Variants in DNAH17 observed in about 807,000 individuals in gnomAD.
DNAH17 encodes axonemal beta dynein heavy chain 17.
DNAH17 carries 376 observed loss-of-function variants against 485.6 expected under a neutral mutation model. The observed-to-expected ratio is 0.77, with a 90% CI of 0.71 to 0.84. The LOEUF (loss-of-function observed/expected upper bound fraction) is 0.84, where lower values mean the gene tolerates loss of function less well. Ranked by LOEUF, DNAH17 falls within the 40% of genes least tolerant of loss-of-function variation. The pLI is 0.00. For synonymous variants in DNAH17, 3,031 were observed against 2,405.9 expected, an observed-to-expected ratio of 1.26 and a Z score of -7.60; for missense variants, 6,370 against 5,839.3, an observed-to-expected ratio of 1.09 and a Z score of -2.96.
chr17:78,497,002 T>C (rs1220189455), intron 37 of DNAH17: 1 of 152,188 alleles, frequency 6.6e-6, no homozygotes, highest in African/African-American at 2.4e-5. Flanking sequence ...TCAGCAGAAT[T>C]CTCTGGAGAT....
At chr17:78,502,843 A>AT in intron 32 of DNAH17, 43 bp downstream of exon 32, 1 of 1,603,616 alleles carries the variant, frequency 6.2e-7, no homozygotes, top group Non-Finnish European at 8.5e-7. Context: ...CTCGCCCCTT[A>AT]TCTCAGCCAC....
chr17:78,560,919 C>T lies in DNAH17; in HGVS notation c.1852G>A (p.Glu618Lys). The change falls in exon 13 of 81, where the codon GAG (glutamate) becomes AAG (lysine). Residue 618 changes from glutamate to lysine, a missense_variant. Physicochemically the swap from Glu to Lys is moderately conservative, Grantham distance 56 (BLOSUM62 1). Transcript: ENST00000389840. ...HVEHPVMSGAEAKLTYQKYDE... is the reference protein window; with the variant it reads ...HVEHPVMSGAKAKLTYQKYDE... ...TACTTCTGATAGGTCAGCTTGGCCT[C>T]TGCTCCAGACATGACCCTGGAATCA... The T allele has an allele frequency of 6.5e-7, 1 of 1,549,920 alleles. No homozygotes were observed. Among genetic ancestry groups the T allele is most frequent in the Non-Finnish European group, 8.7e-7 (1 of 1,147,020 alleles).
intron 58 of DNAH17, among the ~76,000 whole-genome samples, 193 bp downstream of exon 58, chr17:78,461,351 G>T (rs1198039203): frequency 6.6e-6 from 1 of 152,192 alleles, no homozygotes; most frequent in African/African-American, 2.4e-5. Flanking sequence ...TCTAAGGAAA[G>T]CCTGCTTCTG....
In DNAH17 at chr17:78,454,689, G is replaced by C. The variant is rs746979114; in HGVS notation, c.10187C>G (p.Thr3396Arg). ...CAGGCTCAAGGGATCCAGGCCATTC[G>C]TGATCGGGATGGGGACCTGCCCAGG... The part of the protein sequence containing the change: ...IHNLKVPIPI[T>R]NGLDPLSLLT... Residue 3396 changes from threonine to arginine, a missense_variant, in exon 64 of 81, where the codon ACG becomes AGG. Transcript: ENST00000389840. 3 of 1,612,348 alleles carry C rather than the reference G, an allele frequency of 1.9e-6. No individual in the cohort carries two copies. Among genetic ancestry groups the C allele is most frequent in the South Asian group, 1.1e-5 (1 of 91,060 alleles).
In DNAH17 at chr17:78,529,597, G is replaced by T; in HGVS notation, c.3382C>A (p.His1128Asn). 1.2e-6 allele frequency: 2 copies of T among 1,613,910 alleles called. No individual in the cohort carries two copies. Among genetic ancestry groups the T allele is most frequent in the Middle Eastern group, 1.6e-4 (1 of 6,062 alleles). Residue 1128 changes from histidine (H) to asparagine (N), a missense_variant, in exon 22 of 81, where the codon CAC becomes AAC. Coordinates refer to ENST00000389840, the MANE Select transcript of DNAH17 (RefSeq NM_173628.4). ...TGCCTCTCCTTGACTTTCATCAGGT[G>T]CCCCATCACCTCCACAAGCCCATCA... The part of the protein sequence containing the change: ...DYDGLVEVMG[H>N]LMKVKERQAA...
intron 25 of DNAH17, among the ~76,000 whole-genome samples, chr17:78,518,104 A>G (rs900489345): frequency 2.0e-5 from 3 of 152,254 alleles, no homozygotes; most frequent in Non-Finnish European, 4.4e-5. Flanking sequence ...CAAAGGGAAC[A>G]AACAGAAAAC....
intron 40 of DNAH17, 81 bp from the exon 41 acceptor site, chr17:78,494,254 C>A: frequency 6.5e-7 from 1 of 1,540,382 alleles, no homozygotes; most frequent in Non-Finnish European, 8.7e-7. Context: ...GGGCTTCCTG[C>A]CCCGTGGGGG....
In DNAH17 at chr17:78,494,956, C is replaced by A; in HGVS notation, c.6042+3G>T. 1 of 1,610,746 alleles carries A rather than the reference C, an allele frequency of 6.2e-7. No individual in the cohort carries two copies. The highest frequency in any genetic ancestry group is 8.5e-7 in the Non-Finnish European group (1 of 1,177,554). On this transcript the variant is annotated splice_donor_region_variant and intron_variant, in intron 39 of 80. Coordinates refer to ENST00000389840, the MANE Select transcript of DNAH17 (RefSeq NM_173628.4). ...CCCGCCGTGAGCTCCAGGACACACA[C>A]ACCTGCTTCGAGAGCAGCTCCTTGC...
intron 16 of DNAH17, among the ~76,000 whole-genome samples, chr17:78,548,592 CT>C (rs1242206935): frequency 6.6e-6 from 1 of 152,216 alleles, no homozygotes; most frequent in African/African-American, 2.4e-5. Flanking sequence ...ATCTAAACGA[CT>C]TGTTACTCTC....
chr17:78,443,011 A>G (rs1402109102), intron 71 of DNAH17, among the ~76,000 whole-genome samples: 2 of 152,194 alleles, frequency 1.3e-5, no homozygotes, highest in Non-Finnish European at 2.9e-5. Context: ...GCTCCACGTC[A>G]TAGAAATGTG....
At chr17:78,518,840 AG>A (rs2090857522) in intron 25 of DNAH17, among the ~76,000 whole-genome samples, 1 of 152,200 alleles carries the variant, frequency 6.6e-6, no homozygotes, top group Non-Finnish European at 1.5e-5. Flanking sequence ...AATCAATAAT[AG>A]AAAGGAAACA....
At chr17:78,508,120 G>A (rs75309250) in intron 27 of DNAH17, among the ~76,000 whole-genome samples, 3,356 of 152,284 alleles carry the variant, frequency 0.022, 112 homozygotes, top group African/African-American at 0.076. Flanking sequence ...CATAGTGCAC[G>A]CAAAGGAGAT....
chr17:78,444,908 GGGCT>G (rs2087217097), intron 70 of DNAH17, 111 bp from the exon 71 acceptor site: 3 of 1,139,142 alleles, frequency 2.6e-6, no homozygotes, highest in Non-Finnish European at 3.6e-6. Flanking sequence ...GAGGAAACCG[GGGCT>G]CTGGGATAAG....
chr17:78,457,657 CTTTTTTTTTT>C (rs71160297), intron 62 of DNAH17, among the ~76,000 whole-genome samples: 4 of 66,784 alleles, frequency 6.0e-5, no homozygotes, highest in East Asian at 1.0e-3. Flanking sequence ...CCGTGCCTGG[CTTTTTTTTTT>C]TTTTTTTTTT....
At position 78,428,710 on chromosome 17, in the gene DNAH17, GAA is replaced by G; in HGVS notation, c.12406-5_12406-4del. 1 of 1,612,896 alleles carries G rather than the reference GAA, an allele frequency of 6.2e-7. No individual in the cohort carries two copies. The highest frequency in any genetic ancestry group is 8.5e-7 in the Non-Finnish European group (1 of 1,179,096). Reference sequence around the variant, plus strand: ...TCATCGATGTATTCGTGGTAACCCTGAAAAAGAGGGCAGTTTGTAAGCAGAGG... The same window carrying G: ...TCATCGATGTATTCGTGGTAACCCTGAAAGAGGGCAGTTTGTAAGCAGAGG... On this transcript the variant is annotated splice_polypyrimidine_tract_variant and splice_region_variant and intron_variant, in intron 76 of 80. Coordinates refer to ENST00000389840, the MANE Select transcript of DNAH17 (RefSeq NM_173628.4).
In DNAH17 at chr17:78,486,075, T is replaced by C. The variant is rs923030952; in HGVS notation, c.7160A>G (p.Lys2387Arg). 5 of 1,613,840 alleles carry C rather than the reference T, an allele frequency of 3.1e-6. No individual in the cohort carries two copies. Among genetic ancestry groups the C allele is most frequent in the Admixed American group, 3.3e-5 (2 of 60,000 alleles). ...AAAAATCGTTCCCTGCGAGGGGAAC[T>C]TGATAGTCTTGAATTCGTTGATCCA... Reference protein sequence around the residue: ...KWWINEFKTIKFPSQGTIFDY... With the variant: ...KWWINEFKTIRFPSQGTIFDY... The change falls in exon 46 of 81, where the codon AAG becomes AGG. Residue 2387 changes from lysine (K) to arginine (R), a missense_variant. Lys to Arg is a conservative substitution (Grantham distance 26). Coordinates refer to ENST00000389840, the MANE Select transcript of DNAH17 (RefSeq NM_173628.4).
At chr17:78,562,942 G>A (rs757911452) in intron 11 of DNAH17, among the ~76,000 whole-genome samples, 103 of 152,158 alleles carry the variant, frequency 6.8e-4, no homozygotes, top group African/African-American at 7.2e-4. Context: ...AGAGTTTCCC[G>A]GGGCTGCCAT....
In DNAH17 at chr17:78,502,636, C is replaced by T. The variant is rs1355611528; in HGVS notation, c.5145G>A (p.Leu1715=). Reference sequence around the variant, plus strand: ...TGATAGCGTTTTCATAGCCTTCCTCCAGCCTGGCAAATGCCAGGCCCACCT... The same window carrying T: ...TGATAGCGTTTTCATAGCCTTCCTCTAGCCTGGCAAATGCCAGGCCCACCT... ...TTEVGLAFAR[L]EEGYENAIRD... Residue 1715 remains leucine (L), a synonymous_variant, in exon 33 of 81, where the codon CTG becomes CTA. Transcript: ENST00000389840. 1 of 1,613,160 alleles carries T rather than the reference C, an allele frequency of 6.2e-7. No homozygotes were observed. The highest frequency in any genetic ancestry group is 1.1e-5 in the South Asian group (1 of 91,054).
intron 79 of DNAH17, among the ~76,000 whole-genome samples, chr17:78,425,843 G>A (rs1470710869): frequency 6.8e-6 from 1 of 146,636 alleles, no homozygotes; most frequent in African/African-American, 2.6e-5. Flanking sequence ...TTGGCTCAAC[G>A]CAACCTCCGC....
Sources: allele counts gnomAD v4.1 joint callset (sites outside exome capture counted in the v4.1 genomes callset), GRCh38; gene constraint gnomAD v4.1.1; transcripts MANE v1.5; gene names NCBI Gene and HGNC (gene_info 2026-07-23, HGNC 2026-07-21).